Variants in LUZP2 observed in about 807,000 individuals in gnomAD.
LUZP2 encodes leucine zipper protein 2.
In LUZP2, 52 loss-of-function variants were observed where a neutral mutation model predicts 51.6. That is an observed-to-expected ratio of 1.01 (90% CI 0.81 to 1.27). The LOEUF is 1.27. Ranked by LOEUF, LUZP2 falls within the 50% of genes most tolerant of loss-of-function variation. The probability of loss-of-function intolerance (pLI) is 0.00; values close to 1 mark genes in which losing one functional copy is unlikely to be tolerated. For synonymous variants in LUZP2, 154 were observed against 137.3 expected (o/e 1.12, Z -0.85); for missense variants, 436 against 395.4 (o/e 1.10, Z -0.87).
chr11:24,719,262 G>A (rs1379647321), intron 1 of LUZP2, among the ~76,000 whole-genome samples: 1 of 152,170 alleles, frequency 6.6e-6, no homozygotes, highest in African/African-American at 2.4e-5. Flanking sequence ...TAGTAAGATT[G>A]GGTAGAGTCA....
chr11:24,911,665 A>T (rs956763913), intron 6 of LUZP2, among the ~76,000 whole-genome samples: 1 of 152,178 alleles, frequency 6.6e-6, no homozygotes, highest in Non-Finnish European at 1.5e-5. Flanking sequence ...TATAAATTAC[A>T]CAGTCTCAGG....
At chr11:24,920,573 G>A (rs1177193914) in intron 7 of LUZP2, among the ~76,000 whole-genome samples, 1 of 151,860 alleles carries the variant, frequency 6.6e-6, no homozygotes, top group Non-Finnish European at 1.5e-5. Flanking sequence ...AAGAAATGTG[G>A]CATATGTACA....
At chr11:25,018,052 T>TG (rs79871316) in intron 9 of LUZP2, among the ~76,000 whole-genome samples, 72,259 of 145,708 alleles carry the variant, frequency 0.5, 18,801 homozygotes, top group East Asian at 0.91. Context: ...TTTTTTGTTT[T>TG]TTTTTTTGCA....
intron 9 of LUZP2, among the ~76,000 whole-genome samples, chr11:25,009,021 T>C (rs1216690751): frequency 6.6e-6 from 1 of 152,180 alleles, no homozygotes; most frequent in East Asian, 1.9e-4. Context: ...TTTGTCTTCT[T>C]AGGAATTTAT....
intron 5 of LUZP2, among the ~76,000 whole-genome samples, chr11:24,841,703 C>A (rs72872424): frequency 0.025 from 3,859 of 152,004 alleles, 68 homozygotes; most frequent in Non-Finnish European, 0.04. Flanking sequence ...ATCCTAGGAG[C>A]AAATGTCACA....
chr11:24,594,841 C>T (rs1853383287), intron 1 of LUZP2, among the ~76,000 whole-genome samples: 1 of 144,752 alleles, frequency 6.9e-6, no homozygotes, highest in Non-Finnish European at 1.5e-5. Flanking sequence ...CTCACTGCAA[C>T]CTCTGCCTCC....
chr11:24,670,644 T>G (rs1002008006), intron 1 of LUZP2, among the ~76,000 whole-genome samples: 10 of 152,042 alleles, frequency 6.6e-5, no homozygotes, highest in African/African-American at 2.4e-4. Flanking sequence ...TTGATAAATT[T>G]CTAATCAGTT....
chr11:24,746,449 G>A (rs559276398), intron 4 of LUZP2, among the ~76,000 whole-genome samples: 37 of 152,186 alleles, frequency 2.4e-4, no homozygotes, highest in Non-Finnish European at 4.3e-4. Context: ...TTCCTTTATA[G>A]GTTTCCTGGT....
intron 7 of LUZP2, among the ~76,000 whole-genome samples, chr11:24,944,862 A>G (rs1854857094): frequency 6.6e-6 from 1 of 152,172 alleles, no homozygotes; most frequent in South Asian, 2.1e-4. Context: ...TTGCAGGATA[A>G]AGGCTTTAAA....
At chr11:24,856,566 A>C (rs192933685) in intron 5 of LUZP2, among the ~76,000 whole-genome samples, 1 of 152,206 alleles carries the variant, frequency 6.6e-6, no homozygotes, top group East Asian at 1.9e-4. Context: ...ATCCAGGTAC[A>C]CAACTGTTGG....
At chr11:24,945,926 C>G (rs1854886793) in intron 7 of LUZP2, among the ~76,000 whole-genome samples, 1 of 152,026 alleles carries the variant, frequency 6.6e-6, no homozygotes, top group African/African-American at 2.4e-5. Context: ...AGAAAATTGT[C>G]TTCATCACAA....
chr11:24,550,538 A>G (rs1851694743), intron 1 of LUZP2, among the ~76,000 whole-genome samples: 1 of 152,096 alleles, frequency 6.6e-6, no homozygotes, highest in South Asian at 2.1e-4. Context: ...CAGCCCAATC[A>G]CTTATAGAGG....
chr11:24,828,064 C>A (rs144746702), intron 5 of LUZP2, among the ~76,000 whole-genome samples: 1 of 151,756 alleles, frequency 6.6e-6, no homozygotes, highest in Non-Finnish European at 1.5e-5. Flanking sequence ...CACACACAGA[C>A]GCAGACACAC....
chr11:25,021,306 A>T (rs200656708), intron 9 of LUZP2, among the ~76,000 whole-genome samples: 19 of 146,016 alleles, frequency 1.3e-4, no homozygotes, highest in African/African-American at 4.1e-4. Flanking sequence ...TTGTCAGAAA[A>T]AAAAAAAGGA....
chr11:24,501,082 C>T (rs1385324869), intron 1 of LUZP2, among the ~76,000 whole-genome samples: 1 of 152,188 alleles, frequency 6.6e-6, no homozygotes, highest in Admixed American at 6.5e-5. Flanking sequence ...GGTTTGCTTC[C>T]TAAGTCCTGT....
chr11:24,831,398 G>A (rs1850702283), intron 5 of LUZP2, among the ~76,000 whole-genome samples: 1 of 152,094 alleles, frequency 6.6e-6, no homozygotes, highest in South Asian at 2.1e-4. Flanking sequence ...AACGATTAGG[G>A]TCTTAAGTGA....
chr11:24,926,254 CGT>C (rs1189907037), intron 7 of LUZP2, among the ~76,000 whole-genome samples: 1 of 61,034 alleles, frequency 1.6e-5, no homozygotes, highest in Non-Finnish European at 3.5e-5. Flanking sequence ...TATATATATA[CGT>C]GTGTGTATAT....
intron 4 of LUZP2, among the ~76,000 whole-genome samples, chr11:24,746,636 C>T (rs1246688626): frequency 6.6e-6 from 1 of 152,144 alleles, no homozygotes; most frequent in Admixed American, 6.6e-5. Flanking sequence ...ATTATTCCCC[C>T]AAATAGGTTT....
At chr11:24,806,419 C>T (rs1377535726) in intron 5 of LUZP2, among the ~76,000 whole-genome samples, 2 of 152,164 alleles carry the variant, frequency 1.3e-5, no homozygotes, top group African/African-American at 4.8e-5. Context: ...ACATTGTGCA[C>T]ATTTTTGTAA....
Sources: gnomAD v4.1 joint callset for allele counts (sites outside exome capture counted in the v4.1 genomes callset) on GRCh38, gnomAD v4.1.1 for gene constraint, MANE v1.5 for transcripts, NCBI Gene and HGNC (gene_info 2026-07-23, HGNC 2026-07-21) for gene names.